The following OPRM1 variants were observed in gnomAD, a reference collection of about 807,000 sequenced individuals.
OPRM1 encodes opioid receptor mu 1, also known as mu-type opioid receptor.
In OPRM1, 27 loss-of-function variants were observed where a neutral mutation model predicts 31.8. The observed-to-expected ratio is 0.85, with a 90% confidence interval of 0.63 to 1.17. OPRM1 has a LOEUF of 1.17. Among genes scored for constraint, OPRM1 ranks in the 50% most tolerant of loss-of-function variants. The pLI is 0.00. For synonymous variants in OPRM1, 196 were observed against 189.9 expected (o/e 1.03, Z -0.26); for missense variants, 536 against 511.1 (o/e 1.05, Z -0.47).
intron 3 of OPRM1, among the ~76,000 whole-genome samples, chr6:154,146,629 G>C (rs1055094008): frequency 4.7e-4 from 72 of 152,200 alleles, no homozygotes; most frequent in Admixed American, 4.7e-3. Flanking sequence ...TGACAAGTTA[G>C]GGAAAAGAGC....
rs1797905089 is a variant in OPRM1, at chr6:154,131,713, G to T, written c.*12992G>T. 6.6e-6 allele frequency among the ~76,000 whole-genome samples: 1 copy of T among 152,120 alleles called. No homozygotes were observed. The highest frequency in any genetic ancestry group is 1.5e-5 in the Non-Finnish European group (1 of 68,012). ...AAACACAATCACCTTTCAAAACATG[G>T]TATGAAATCCACAGTTGTAACAGTG... On this transcript the variant is annotated 3_prime_UTR_variant, in exon 4 of 4. Coordinates refer to ENST00000330432, the MANE Select transcript of OPRM1 (RefSeq NM_000914.5).
chr6:154,045,423 C>T (rs2128405544), intron 1 of OPRM1, among the ~76,000 whole-genome samples: 1 of 152,100 alleles, frequency 6.6e-6, no homozygotes, highest in African/African-American at 2.4e-5. Flanking sequence ...AACTTGGGAC[C>T]CAATATATAA....
chr6:154,220,857 C>T (rs1026265154), intron 3 of OPRM1, among the ~76,000 whole-genome samples: 32 of 152,206 alleles, frequency 2.1e-4, no homozygotes, highest in African/African-American at 1.9e-4. Flanking sequence ...GTGATAAATA[C>T]GTGAATCATC....
intron 3 of OPRM1, among the ~76,000 whole-genome samples, chr6:154,177,025 C>G (rs1800391902): frequency 6.6e-6 from 1 of 152,154 alleles, no homozygotes; most frequent in Non-Finnish European, 1.5e-5. Context: ...CTGACAAAAA[C>G]AAGCAATGGG....
At chr6:154,084,375 A>T (rs1789975920) in intron 1 of OPRM1, among the ~76,000 whole-genome samples, 1 of 151,974 alleles carries the variant, frequency 6.6e-6, no homozygotes, top group Non-Finnish European at 1.5e-5. Context: ...ACTAGTTTTG[A>T]TTATGCTTTT....
At chr6:154,214,443 C>T in intron 3 of OPRM1, 1 of 636,800 alleles carries the variant, frequency 1.6e-6, no homozygotes, top group Non-Finnish European at 2.9e-6. Context: ...TCTGGTTTCA[C>T]AATACTTTCC....
intron 3 of OPRM1, among the ~76,000 whole-genome samples, chr6:154,244,133 G>A (rs537749364): frequency 6.6e-6 from 1 of 152,312 alleles, no homozygotes; most frequent in South Asian, 2.1e-4. Context: ...TCTTTTAAGT[G>A]GCAGGAAGTA....
intron 3 of OPRM1, among the ~76,000 whole-genome samples, chr6:154,214,587 G>T (rs1778233803): frequency 6.6e-6 from 1 of 152,112 alleles, no homozygotes; most frequent in Non-Finnish European, 1.5e-5. Context: ...GAAATTTTTA[G>T]CAACCATCAA....
intron 3 of OPRM1, among the ~76,000 whole-genome samples, chr6:154,182,202 G>A (rs911498462): frequency 6.6e-6 from 1 of 152,134 alleles, no homozygotes; most frequent in African/African-American, 2.4e-5. Context: ...GCTTCATTTT[G>A]ATTTCCCTCA....
chr6:154,159,083 A>G (rs1798828859), intron 3 of OPRM1: 1 of 152,270 alleles, frequency 6.6e-6, no homozygotes, highest in African/African-American at 2.4e-5. Context: ...ACCATTGAGT[A>G]GGAAAGCTCA....
intron 1 of OPRM1, among the ~76,000 whole-genome samples, chr6:154,083,087 T>C (rs1056087691): frequency 4.6e-5 from 7 of 152,168 alleles, no homozygotes; most frequent in Non-Finnish European, 1.0e-4. Flanking sequence ...AATGGGCACT[T>C]CCGGAAAGCA....
At chr6:154,183,032 T>C (rs1022967288) in intron 3 of OPRM1, among the ~76,000 whole-genome samples, 2 of 151,876 alleles carry the variant, frequency 1.3e-5, no homozygotes, top group South Asian at 2.1e-4. Context: ...CAGGCTGGAG[T>C]GCAGTGGTGT....
At chr6:154,196,685 A>C (rs939960553) in intron 3 of OPRM1, among the ~76,000 whole-genome samples, 2 of 152,230 alleles carry the variant, frequency 1.3e-5, no homozygotes, top group African/African-American at 4.8e-5. Flanking sequence ...AGAAATGAGG[A>C]GCACAGGGTA....
rs1013103221 is a variant in OPRM1, at chr6:154,089,710, A to G, written c.291-116A>G. The G allele has an allele frequency of 5.3e-5, 36 of 673,514 alleles. 1 individual carries two copies. The highest frequency in any genetic ancestry group is 2.0e-4 in the African/African-American group (11 of 55,236). 41.7% of individuals were successfully genotyped at this position (673,514 alleles called of 1,614,324 possible). A position where few individuals can be genotyped will look rare whatever the true frequency, so the allele number is the denominator to read the frequency against. ...CAAGCTGATACTGGAAAACAATTCT[A>G]TATCTAATCTCAAAAAAGCTTTCTA... On this transcript the variant is annotated intron_variant, in intron 1 of 3. Coordinates refer to ENST00000330432, the MANE Select transcript of OPRM1 (RefSeq NM_000914.5).
At chr6:154,237,561 G>A (rs190771301) in intron 3 of OPRM1, among the ~76,000 whole-genome samples, 80 of 152,228 alleles carry the variant, frequency 5.3e-4, no homozygotes, top group Non-Finnish European at 9.1e-4. Context: ...GCTTTTAGCT[G>A]CACTCAATCT....
chr6:154,111,743 A>G (rs983059189), intron 3 of OPRM1, among the ~76,000 whole-genome samples: 2 of 129,206 alleles, frequency 1.5e-5, no homozygotes, highest in African/African-American at 3.0e-5. Flanking sequence ...TGGAAAAACT[A>G]TAGTTTATTT....
At position 154,119,078 on chromosome 6, in the gene OPRM1, C is replaced by T. The variant is rs1445618809; in HGVS notation, c.*357C>T. The stretch of plus-strand genomic sequence containing the variant: ...ATTTATGACCTCAACAAAGAAGAAC[C>T]ATCTTTTGTTAAGTTCACCGTAGTA... On this transcript the variant is annotated 3_prime_UTR_variant, in exon 4 of 4. Transcript: ENST00000330432. 2.1e-5 allele frequency: 22 copies of T among 1,024,632 alleles called. No homozygotes were observed. The highest frequency in any genetic ancestry group is 1.7e-5 in the African/African-American group (1 of 58,674). 63.5% of individuals were successfully genotyped at this position (1,024,632 alleles called of 1,614,324 possible).
chr6:154,080,199 T>A (rs1380957118), intron 1 of OPRM1, among the ~76,000 whole-genome samples: 1 of 152,230 alleles, frequency 6.6e-6, no homozygotes, highest in Non-Finnish European at 1.5e-5. Context: ...CAGGAAAGTT[T>A]GTATCACATA....
chr6:154,195,883 G>A (rs1003995586), intron 3 of OPRM1, among the ~76,000 whole-genome samples: 8 of 149,596 alleles, frequency 5.3e-5, no homozygotes, highest in South Asian at 4.2e-4. Context: ...CCTCTGCCTC[G>A]CAGGTTCAAG....
Sources: allele counts gnomAD v4.1 joint callset (sites outside exome capture counted in the v4.1 genomes callset), GRCh38; gene constraint gnomAD v4.1.1; transcripts MANE v1.5; gene names NCBI Gene and HGNC (gene_info 2026-07-23, HGNC 2026-07-21).